Variants in AKAP9 observed in about 807,000 individuals in gnomAD.
AKAP9 encodes the protein A-kinase anchoring protein 9.
A neutral mutation model predicts 488.5 loss-of-function variants in AKAP9; 311 were observed. The ratio of observed to expected loss-of-function variants is 0.64; its 90% CI spans 0.58 to 0.70. AKAP9 has a LOEUF of 0.70. Ranked by LOEUF, AKAP9 falls within the 30% of genes least tolerant of loss-of-function variation. The pLI is 0.00. For missense variants in AKAP9, 4,215 were observed against 4,374.5 expected (o/e 0.96, Z 1.03); for synonymous variants, 1,462 against 1,483.5 (o/e 0.99, Z 0.33).
intron 1 of AKAP9, among the ~76,000 whole-genome samples, chr7:91,962,433 GT>G (rs1793840972): frequency 6.6e-6 from 1 of 152,120 alleles, no homozygotes; most frequent in African/African-American, 2.4e-5. Context: ...GAAACCATGA[GT>G]TTTTAATGTA....
intron 3 of AKAP9, among the ~76,000 whole-genome samples, chr7:91,990,370 A>AAT (rs1797607477): frequency 1.3e-5 from 2 of 152,046 alleles, no homozygotes; most frequent in African/African-American, 4.8e-5. Context: ...AATGATCCTG[A>AAT]TATTCTGTTA....
chr7:91,991,637 A>G (rs1797772401), intron 3 of AKAP9, among the ~76,000 whole-genome samples: 1 of 151,242 alleles, frequency 6.6e-6, no homozygotes, highest in Non-Finnish European at 1.5e-5. Flanking sequence ...ACACCCGGCT[A>G]ATTTTTTGTA....
In AKAP9 at chr7:92,079,553, C is replaced by T. The variant is rs1813173463; in HGVS notation, c.7420C>T (p.Leu2474Phe). 2.5e-6 allele frequency: 4 copies of T among 1,613,734 alleles called. No homozygotes were observed. Among genetic ancestry groups the T allele is most frequent in the Non-Finnish European group, 2.5e-6 (3 of 1,179,976 alleles). ...AGAAGTAGTCCTTACAGAGGATGCT[C>T]TTAAATCCCTAGAAAATCAGACATA... ...ELEVVLTEDA[L>F]KSLENQTYFK... The change falls in exon 31 of 50, where the codon CTT becomes TTT. Residue 2474 changes from leucine (L) to phenylalanine (F), a missense_variant. Coordinates refer to ENST00000356239, the MANE Select transcript of AKAP9 (RefSeq NM_005751.5).
In AKAP9 at chr7:92,084,948, AAGATAG is replaced by A; in HGVS notation, c.8832+10_8832+15del. ...TTTCCAAAGAAAATAAAGGTACTAA[AAGATAG>A]ATACCTTTTATTAACTCAGCCAGTG... On this transcript the variant is annotated intron_variant, in intron 35 of 49. Transcript: ENST00000356239. The A allele has an allele frequency of 4.3e-6, 7 of 1,612,258 alleles. No individual in the cohort carries two copies. The highest frequency in any genetic ancestry group is 5.9e-6 in the Non-Finnish European group (7 of 1,178,982).
intron 8 of AKAP9, among the ~76,000 whole-genome samples, chr7:92,005,956 A>G (rs1359437395): frequency 1.3e-5 from 2 of 151,930 alleles, no homozygotes; most frequent in Non-Finnish European, 2.9e-5. Flanking sequence ...GGCGTGAGCC[A>G]CCATGCCTGG....
chr7:92,079,308 T>G lies in AKAP9; in HGVS notation c.7175T>G (p.Ile2392Arg), dbSNP rs1034432737. 1 of 1,614,078 alleles carries G rather than the reference T, an allele frequency of 6.2e-7. No individual in the cohort carries two copies. The highest frequency in any genetic ancestry group is 8.5e-7 in the Non-Finnish European group (1 of 1,179,988). ...DSLKHQLDVV[I>R]AEKLALEQQV... ...TTAAAACATCAATTGGATGTGGTTA[T>G]AGCTGAAAAGCTGGCCTTGGAACAG... is the stretch of plus-strand genomic sequence containing the variant. The change falls in exon 31 of 50, where the codon ATA becomes AGA. Residue 2392 changes from isoleucine to arginine, a missense_variant. Transcript: ENST00000356239.
rs1819137259 is a variant in AKAP9, at chr7:92,110,256, A to T, written c.*97A>T. 1.1e-6 allele frequency: 1 copy of T among 936,472 alleles called. No homozygotes were observed. Among genetic ancestry groups the T allele is most frequent in the African/African-American group, 1.6e-5 (1 of 61,682 alleles). The allele number at this position is 936,472 out of a possible 1,614,324, so 58.0% of individuals were successfully genotyped here. A position where few individuals can be genotyped will look rare whatever the true frequency, so the allele number is the denominator to read the frequency against. On this transcript the variant is annotated 3_prime_UTR_variant, in exon 50 of 50. Coordinates refer to ENST00000356239, the MANE Select transcript of AKAP9 (RefSeq NM_005751.5). ...TTTTGTATTGTGAATATTCAATGGG[A>T]CCAATATGAACACAGCTTATGATTG...
chr7:92,108,511 C>T lies in AKAP9; in HGVS notation c.11564C>T (p.Ala3855Val), dbSNP rs1292145089. 2.5e-6 allele frequency: 4 copies of T among 1,614,166 alleles called. No homozygotes were observed. The highest frequency in any genetic ancestry group is 2.2e-5 in the East Asian group (1 of 44,888). ...TCCTTTAGGTACCCAGGCACTCCAG[C>T]TGATTTCAATCCTGGTTCTTTAGCA... ...PFQNRYPGTP[A>V]DFNPGSLACS... Residue 3855 changes from alanine (A) to valine (V), a missense_variant, in exon 49 of 50, where the codon GCT becomes GTT. This residue lies in a region of AKAP9 where 253 missense variants were observed against 266.8 expected (regional missense o/e 0.95). Transcript: ENST00000356239.
At chr7:91,971,431 G>A (rs910704394) in intron 1 of AKAP9, among the ~76,000 whole-genome samples, 1 of 151,656 alleles carries the variant, frequency 6.6e-6, no homozygotes, top group Admixed American at 6.6e-5. Context: ...TTGAATTCTT[G>A]TTCACAGAGT....
chr7:91,979,049 A>G (rs1219568735), intron 2 of AKAP9, among the ~76,000 whole-genome samples: 2 of 149,064 alleles, frequency 1.3e-5, no homozygotes, highest in African/African-American at 2.5e-5. Context: ...AAGTGCTGGG[A>G]TTACAGGCAT....
At chr7:91,955,533 A>G (rs1174632779) in intron 1 of AKAP9, among the ~76,000 whole-genome samples, 1 of 152,206 alleles carries the variant, frequency 6.6e-6, no homozygotes, top group Non-Finnish European at 1.5e-5. Context: ...ATGGTATCAT[A>G]TGAAGTCATC....
At chr7:92,062,888 G>T (rs1393784317) in intron 24 of AKAP9, among the ~76,000 whole-genome samples, 1 of 152,148 alleles carries the variant, frequency 6.6e-6, no homozygotes, top group Admixed American at 6.5e-5. Flanking sequence ...AGGTGGAGGG[G>T]TTTTTTGACT....
At chr7:92,075,541 A>AT (rs1172218076) in intron 28 of AKAP9, among the ~76,000 whole-genome samples, 1 of 152,228 alleles carries the variant, frequency 6.6e-6, no homozygotes, top group Non-Finnish European at 1.5e-5. Flanking sequence ...AGGATAAGTG[A>AT]TAGTTTAGAG....
intron 3 of AKAP9, among the ~76,000 whole-genome samples, chr7:91,981,815 A>G (rs1284912951): frequency 4.6e-5 from 7 of 151,958 alleles, no homozygotes; most frequent in Non-Finnish European, 1.0e-4. Flanking sequence ...CATCTTGGCC[A>G]GGCTGGTCTT....
chr7:91,985,860 G>A (rs1401342377), intron 3 of AKAP9, among the ~76,000 whole-genome samples: 2 of 152,124 alleles, frequency 1.3e-5, no homozygotes, highest in African/African-American at 4.8e-5. Flanking sequence ...TACTGTTCAA[G>A]CTGGTCTCGA....
intron 16 of AKAP9, among the ~76,000 whole-genome samples, chr7:92,036,449 G>A (rs1805217618): frequency 6.6e-6 from 1 of 151,992 alleles, no homozygotes. Context: ...ACCACACCCA[G>A]CTACAAATGT....
At position 92,016,179 on chromosome 7, in the gene AKAP9, A is replaced by G. The variant is rs1258173137; in HGVS notation, c.3663A>G (p.Glu1221=). Residue 1221 remains glutamate (E), a synonymous_variant, in exon 11 of 50, where the codon GAA becomes GAG. Transcript: ENST00000356239. Reference sequence around the variant, plus strand: ...ATTATACTCCTGCTTTAAAATGTGAAGTAAATGCAGAAGACAAAGAGAATT... The same window carrying G: ...ATTATACTCCTGCTTTAAAATGTGAGGTAAATGCAGAAGACAAAGAGAATT... ...GEYYTPALKC[E]VNAEDKENSG... 3.1e-6 allele frequency: 5 copies of G among 1,598,158 alleles called. No individual in the cohort carries two copies. Among genetic ancestry groups the G allele is most frequent in the Admixed American group, 1.7e-5 (1 of 59,948 alleles).
intron 14 of AKAP9, among the ~76,000 whole-genome samples, chr7:92,025,874 A>T (rs1359239580): frequency 1.3e-5 from 2 of 152,246 alleles, no homozygotes; most frequent in Admixed American, 1.3e-4. Context: ...ACTTCAGTGT[A>T]ATCACTGAAA....
intron 3 of AKAP9, among the ~76,000 whole-genome samples, chr7:91,980,744 T>C: frequency 6.6e-6 from 1 of 152,106 alleles, no homozygotes; most frequent in East Asian, 1.9e-4. Context: ...TGAACTTGTT[T>C]ATTGAAATTA....
Sources: allele counts gnomAD v4.1 joint callset (sites outside exome capture counted in the v4.1 genomes callset), GRCh38; gene constraint gnomAD v4.1.1; regional missense constraint gnomAD v4.1.1; transcripts MANE v1.5; gene names NCBI Gene and HGNC (gene_info 2026-07-23, HGNC 2026-07-21).